PLXDC2: variants seen among roughly 807,000 people sequenced by gnomAD.
The protein encoded by PLXDC2 is plexin domain-containing protein 2.
PLXDC2 carries 40 observed loss-of-function variants against 68.9 expected under a neutral mutation model. The observed-to-expected ratio is 0.58, with a 90% confidence interval of 0.45 to 0.76. The LOEUF (loss-of-function observed/expected upper bound fraction) is 0.76. Ranked by LOEUF, PLXDC2 falls within the 30% of genes least tolerant of loss-of-function variation. PLXDC2 has a pLI of 0.00. For missense variants in PLXDC2, 644 were observed against 661.9 expected, an observed-to-expected ratio of 0.97 and a Z score of 0.30; for synonymous variants, 243 against 234.2, an observed-to-expected ratio of 1.04 and a Z score of -0.34.
chr10:20,168,027 A>G (rs1174893216), intron 7 of PLXDC2, among the ~76,000 whole-genome samples: 1 of 152,136 alleles, frequency 6.6e-6, no homozygotes, highest in Non-Finnish European at 1.5e-5. Flanking sequence ...TCTTTCATAA[A>G]AGATCAGGTG....
chr10:20,224,453 C>A (rs1445229841), intron 12 of PLXDC2, among the ~76,000 whole-genome samples: 3 of 152,146 alleles, frequency 2.0e-5, no homozygotes, highest in African/African-American at 7.2e-5. Context: ...TTAGCAGGTA[C>A]AACTATTAAA....
chr10:20,110,201 T>A (rs566681573), intron 4 of PLXDC2, among the ~76,000 whole-genome samples: 1 of 151,620 alleles, frequency 6.6e-6, no homozygotes, highest in Non-Finnish European at 1.5e-5. Flanking sequence ...GGAGGGGTGC[T>A]CTCCAGAAAA....
chr10:19,822,579 C>T (rs989258337), intron 1 of PLXDC2, among the ~76,000 whole-genome samples: 4 of 152,100 alleles, frequency 2.6e-5, no homozygotes, highest in African/African-American at 9.7e-5. Flanking sequence ...TACCAATTTA[C>T]ATTCCCACCA....
chr10:20,206,386 G>T (rs571633610), intron 9 of PLXDC2, among the ~76,000 whole-genome samples: 2 of 152,100 alleles, frequency 1.3e-5, no homozygotes, highest in East Asian at 3.9e-4. Flanking sequence ...AAGGGTTGCT[G>T]AATCTGCTGG....
At chr10:20,176,499 G>T (rs1834528952) in intron 7 of PLXDC2, among the ~76,000 whole-genome samples, 1 of 151,862 alleles carries the variant, frequency 6.6e-6, no homozygotes, top group South Asian at 2.1e-4. Context: ...ACCAGGAAAT[G>T]GAAGAATGAT....
chr10:20,111,491 C>A (rs1833559593), intron 4 of PLXDC2, among the ~76,000 whole-genome samples: 1 of 152,112 alleles, frequency 6.6e-6, no homozygotes, highest in African/African-American at 2.4e-5. Flanking sequence ...CATAGGTGTT[C>A]TCTAAGTAAA....
intron 12 of PLXDC2, among the ~76,000 whole-genome samples, chr10:20,225,338 G>A (rs1211778961): frequency 1.3e-5 from 2 of 152,062 alleles, no homozygotes; most frequent in Non-Finnish European, 2.9e-5. Flanking sequence ...AATCATCAAA[G>A]CAACATATCT....
intron 1 of PLXDC2, among the ~76,000 whole-genome samples, chr10:19,954,474 A>C (rs1485830359): frequency 1.3e-5 from 2 of 152,228 alleles, no homozygotes; most frequent in Non-Finnish European, 2.9e-5. Context: ...TATTATTTGC[A>C]CATGATATCT....
At position 20,217,548 on chromosome 10, in the gene PLXDC2, TCAGTTTCCCAC is replaced by T; in HGVS notation, c.1249_1259del (p.Phe417ProfsTer6). 1 of 1,600,376 alleles carries T rather than the reference TCAGTTTCCCAC, an allele frequency of 6.2e-7. No homozygotes were observed. The highest frequency in any genetic ancestry group is 8.5e-7 in the Non-Finnish European group (1 of 1,173,058). ...CTACCACCAGAAGAGCAGTGACTTC[TCAGTTTCCCAC>T]CAGCCTCCCTACAGAAGGTACCCAA... On this transcript the variant is annotated frameshift_variant, in exon 11 of 14. Transcript: ENST00000377252. LOFTEE classifies it high-confidence loss of function.
chr10:20,059,442 A>T (rs1390237307), intron 3 of PLXDC2, among the ~76,000 whole-genome samples: 1 of 152,236 alleles, frequency 6.6e-6, no homozygotes, highest in Non-Finnish European at 1.5e-5. Flanking sequence ...GTTCATGTGC[A>T]CCACCATCAG....
chr10:20,070,743 A>G (rs746960967), intron 4 of PLXDC2: 12 of 152,364 alleles, frequency 7.9e-5, no homozygotes, highest in Admixed American at 6.5e-4. Context: ...TCAAAAAGTT[A>G]ACTATGAACC....
chr10:20,237,328 A>G (rs1835446660), intron 12 of PLXDC2, among the ~76,000 whole-genome samples: 1 of 152,206 alleles, frequency 6.6e-6, no homozygotes, highest in Non-Finnish European at 1.5e-5. Context: ...AATAATATTG[A>G]CAGGCCGGTA....
At chr10:20,092,722 G>A (rs544658287) in intron 4 of PLXDC2, among the ~76,000 whole-genome samples, 1 of 152,086 alleles carries the variant, frequency 6.6e-6, no homozygotes, top group South Asian at 2.1e-4. Flanking sequence ...TAAATATCTT[G>A]AGGGGAGATT....
chr10:20,145,267 A>C (rs530898018), intron 5 of PLXDC2, among the ~76,000 whole-genome samples: 165 of 152,362 alleles, frequency 1.1e-3, no homozygotes, highest in Admixed American at 3.1e-3. Context: ...GAGTTCAAAC[A>C]ATATGATAAT....
At chr10:19,836,536 G>A (rs1044270489) in intron 1 of PLXDC2, among the ~76,000 whole-genome samples, 1 of 152,100 alleles carries the variant, frequency 6.6e-6, no homozygotes, top group Non-Finnish European at 1.5e-5. Context: ...TTAAATCCAT[G>A]AAATCACTCA....
At chr10:19,847,303 C>A (rs1005303657) in intron 1 of PLXDC2, among the ~76,000 whole-genome samples, 25 of 152,164 alleles carry the variant, frequency 1.6e-4, no homozygotes, top group African/African-American at 5.8e-4. Context: ...TGATTCCAAA[C>A]AGTGGATTTT....
intron 1 of PLXDC2, among the ~76,000 whole-genome samples, chr10:19,999,453 T>G (rs2131635639): frequency 6.6e-6 from 1 of 151,840 alleles, no homozygotes; most frequent in Non-Finnish European, 1.5e-5. Flanking sequence ...ACCATTGCCT[T>G]AGTGTGTATG....
intron 2 of PLXDC2, among the ~76,000 whole-genome samples, chr10:20,032,953 A>G (rs977450864): frequency 1.4e-5 from 2 of 147,458 alleles, no homozygotes; most frequent in African/African-American, 5.0e-5. Flanking sequence ...TCCACACTGC[A>G]TGTTCTCACT....
intron 5 of PLXDC2, among the ~76,000 whole-genome samples, chr10:20,145,131 G>A (rs887515073): frequency 2.6e-5 from 4 of 152,040 alleles, no homozygotes; most frequent in African/African-American, 4.8e-5. Context: ...AATTACATAC[G>A]TAAAGTGAGT....
Sources: allele counts gnomAD v4.1 joint callset (sites outside exome capture counted in the v4.1 genomes callset), GRCh38; gene constraint gnomAD v4.1.1; transcripts MANE v1.5; gene names NCBI Gene and HGNC (gene_info 2026-07-23, HGNC 2026-07-21).